Variants in EPB41L2 observed in about 807,000 individuals in gnomAD.
EPB41L2 encodes the protein band 4.1-like protein 2.
EPB41L2 carries 43 observed loss-of-function variants against 113.0 expected under a neutral mutation model. The observed-to-expected ratio is 0.38, with a 90% CI of 0.30 to 0.49. EPB41L2 has a LOEUF of 0.49. Among genes scored for constraint, EPB41L2 ranks in the 20% least tolerant of loss-of-function variants. The probability of loss-of-function intolerance (pLI) is 0.95; values close to 1 mark genes in which losing one functional copy is unlikely to be tolerated. For missense variants in EPB41L2, 1,147 were observed against 1,223.4 expected (o/e 0.94, Z 0.93); for synonymous variants, 442 against 436.7 (o/e 1.01, Z -0.15).
chr6:130,942,419 C>G lies in EPB41L2; in HGVS notation c.705+12686G>C, dbSNP rs1583703512. 2.0e-5 allele frequency among the ~76,000 whole-genome samples: 3 copies of G among 152,068 alleles called. No homozygotes were observed. The East Asian group carries it at 5.8e-4, about 29-fold the overall frequency. On this transcript the variant is annotated intron_variant, in intron 3 of 19. Coordinates refer to ENST00000337057, the MANE Select transcript of EPB41L2 (RefSeq NM_001431.4). ...ATCATCTTAAATTTGTTCAGAAGAACAGGAAGCAATAGAAAAGAAATCAAA... is the reference window on the plus strand; with the variant it reads ...ATCATCTTAAATTTGTTCAGAAGAAGAGGAAGCAATAGAAAAGAAATCAAA...
chr6:130,968,672 C>T (rs369052822), intron 1 of EPB41L2, among the ~76,000 whole-genome samples: 7 of 150,988 alleles, frequency 4.6e-5, no homozygotes, highest in Admixed American at 6.6e-5. Flanking sequence ...TTTCCCTCGG[C>T]GGGAAAAGCT....
chr6:130,903,811 T>C (rs1278336497), intron 6 of EPB41L2, among the ~76,000 whole-genome samples: 1 of 152,220 alleles, frequency 6.6e-6, no homozygotes, highest in Non-Finnish European at 1.5e-5. Context: ...CCAGTCTAAC[T>C]GGGCTAAGAT....
intron 14 of EPB41L2, among the ~76,000 whole-genome samples, chr6:130,873,914 G>A (rs961025272): frequency 1.3e-5 from 2 of 152,154 alleles, no homozygotes; most frequent in African/African-American, 4.8e-5. Flanking sequence ...AAAAGCTTTT[G>A]GACTGACTTA....
At chr6:130,893,031 G>A (rs1442751040) in intron 10 of EPB41L2, among the ~76,000 whole-genome samples, 1 of 151,964 alleles carries the variant, frequency 6.6e-6, no homozygotes, top group East Asian at 1.9e-4. Context: ...AGGAAACGGA[G>A]AAAACAAAGA....
At chr6:130,940,105 C>A (rs938101594) in intron 3 of EPB41L2, among the ~76,000 whole-genome samples, 1 of 152,186 alleles carries the variant, frequency 6.6e-6, no homozygotes, top group African/African-American at 2.4e-5. Flanking sequence ...TTTATGCTTT[C>A]TTTCCCATGG....
Position 130,990,658 on chromosome 6 carries a change from C to T in EPB41L2, c.-14-34159G>A, listed in dbSNP as rs542807243. Reference sequence around the variant, plus strand: ...TTGATTGTAAAATAAAGAGATAACCCTAAACAGCAAAAATAAAGTGCTTTG... The same window carrying T: ...TTGATTGTAAAATAAAGAGATAACCTTAAACAGCAAAAATAAAGTGCTTTG... On this transcript the variant is annotated intron_variant, in intron 1 of 19. Coordinates refer to ENST00000337057, the MANE Select transcript of EPB41L2 (RefSeq NM_001431.4). 3.9e-5 allele frequency among the ~76,000 whole-genome samples: 6 copies of T among 152,158 alleles called. No homozygotes were observed. The East Asian group carries it at 1.2e-3, about 29-fold the overall frequency.
intron 1 of EPB41L2, among the ~76,000 whole-genome samples, chr6:131,005,635 G>A (rs774410842): frequency 5.9e-5 from 9 of 152,194 alleles, no homozygotes; most frequent in Non-Finnish European, 1.3e-4. Flanking sequence ...CAGGGCAGAA[G>A]ACTATGCGAG....
In EPB41L2 at chr6:130,878,347, C is replaced by T. The variant is rs891183490; in HGVS notation, c.1897-97G>A. 1.4e-5 allele frequency: 18 copies of T among 1,322,958 alleles called. No individual in the cohort carries two copies. In the African/African-American group the frequency reaches 1.5e-4, roughly 11 times the overall value. The allele number at this position is 1,322,958 out of a possible 1,614,324, so 82.0% of individuals were successfully genotyped here. On this transcript the variant is annotated intron_variant, in intron 13 of 19. Coordinates refer to ENST00000337057, the MANE Select transcript of EPB41L2 (RefSeq NM_001431.4). Reference sequence around the variant, plus strand: ...CAAAAAATAAGACAAAGCAAACTTACGATTAAAAAAAAAACCATAGTAAAG... The same window carrying T: ...CAAAAAATAAGACAAAGCAAACTTATGATTAAAAAAAAAACCATAGTAAAG...
intron 1 of EPB41L2, among the ~76,000 whole-genome samples, chr6:130,969,972 T>C (rs939795244): frequency 1.3e-5 from 2 of 152,198 alleles, no homozygotes; most frequent in Non-Finnish European, 2.9e-5. Flanking sequence ...ATGTTAAAGA[T>C]AGCCTGACAA....
chr6:130,924,602 G>A (rs867680988), intron 4 of EPB41L2, among the ~76,000 whole-genome samples: 48 of 151,876 alleles, frequency 3.2e-4, no homozygotes, highest in African/African-American at 9.2e-4. Flanking sequence ...GGCTGATCTC[G>A]AGCTCCTGAC....
At chr6:130,953,933 T>G (rs1352892725) in intron 3 of EPB41L2, among the ~76,000 whole-genome samples, 2 of 150,856 alleles carry the variant, frequency 1.3e-5, no homozygotes, top group Non-Finnish European at 2.9e-5. Context: ...GGGCAATAAA[T>G]TCATGTTGTT....
At chr6:130,975,963 G>C (rs113181153) in intron 1 of EPB41L2, among the ~76,000 whole-genome samples, 3,441 of 152,296 alleles carry the variant, frequency 0.023, 129 homozygotes, top group African/African-American at 0.079. Flanking sequence ...GGGAGGTGGA[G>C]GTTGCAGTGA....
At chr6:130,903,833 T>C (rs1227686565) in intron 6 of EPB41L2, among the ~76,000 whole-genome samples, 1 of 152,236 alleles carries the variant, frequency 6.6e-6, no homozygotes. Flanking sequence ...TCAAGGTACT[T>C]GTTGATTCAC....
chr6:131,038,408 A>C (rs1793780833), intron 1 of EPB41L2, among the ~76,000 whole-genome samples: 1 of 152,238 alleles, frequency 6.6e-6, no homozygotes, highest in African/African-American at 2.4e-5. Flanking sequence ...TCTAGTTGCT[A>C]TCACCATCTG....
chr6:130,880,443 A>G (rs1255937773), intron 12 of EPB41L2: 4 of 645,130 alleles, frequency 6.2e-6, no homozygotes, highest in Admixed American at 2.6e-5. Context: ...CTTTAGGGAA[A>G]ACTCAGCCAC....
rs78150763 is a variant in EPB41L2 at position 130,976,999 on chromosome 6, C to A, written c.-14-20500G>T. ...GGCTGTAAGAGAGGTACAAGAAGGG[C>A]ACAAAGGAAATGGTCACCTCCTTTG... On this transcript the variant is annotated intron_variant, in intron 1 of 19. Transcript: ENST00000337057. Among the ~76,000 whole-genome samples, 3,036 of 152,218 alleles carry A rather than the reference C, an allele frequency of 0.02. 199 individuals are homozygous for A. The East Asian group carries it at 0.26, about 13-fold the overall frequency.
chr6:130,875,571 A>G (rs1426772638), intron 14 of EPB41L2, among the ~76,000 whole-genome samples: 6 of 152,046 alleles, frequency 3.9e-5, no homozygotes, highest in Non-Finnish European at 8.8e-5. Flanking sequence ...TTAAGGTTTC[A>G]ACTCAAATGT....
intron 4 of EPB41L2, among the ~76,000 whole-genome samples, chr6:130,911,700 T>C (rs577614741): frequency 5.9e-5 from 9 of 152,244 alleles, no homozygotes; most frequent in African/African-American, 2.2e-4. Context: ...TAAATTTTTG[T>C]TTTTCGAAGC....
At chr6:131,003,179 C>T (rs1228399587) in intron 1 of EPB41L2, among the ~76,000 whole-genome samples, 3 of 152,032 alleles carry the variant, frequency 2.0e-5, no homozygotes, top group East Asian at 1.9e-4. Flanking sequence ...CACAAAATAA[C>T]ACTGAGTGAA....
Sources: gnomAD v4.1 joint callset for allele counts (sites outside exome capture counted in the v4.1 genomes callset) on GRCh38, gnomAD v4.1.1 for gene constraint, MANE v1.5 for transcripts, NCBI Gene and HGNC (gene_info 2026-07-23, HGNC 2026-07-21) for gene names.